Variants in ENAH observed in about 807,000 individuals in gnomAD.
ENAH encodes the protein ENAH actin regulator, also known as protein enabled homolog.
In ENAH, 23 loss-of-function variants were observed where a neutral mutation model predicts 78.7. The observed-to-expected ratio is 0.29, with a 90% confidence interval of 0.21 to 0.41. ENAH has a LOEUF of 0.41. Ranked by LOEUF, ENAH falls within the 10% of genes least tolerant of loss-of-function variation. The pLI is 1.00. For missense variants in ENAH, 544 were observed against 691.0 expected, an observed-to-expected ratio of 0.79 and a Z score of 2.39; for synonymous variants, 226 against 241.0, an observed-to-expected ratio of 0.94 and a Z score of 0.58.
rs888939064 is a variant in ENAH at position 225,487,819 on chromosome 1, A to C, written c.*9956T>G. 3 of 152,218 alleles carry C rather than the reference A, an allele frequency of 2.0e-5. No homozygotes were observed. The highest frequency in any genetic ancestry group is 4.8e-5 in the African/African-American group (2 of 41,444). The allele number at this position is 152,218 out of a possible 1,614,324, so 9.4% of individuals were successfully genotyped here. ...GATGACAAGAGATTCCAATTCCAGCATATATTATGAAAGGTTATGGACTGT... is the reference window on the plus strand; with the variant it reads ...GATGACAAGAGATTCCAATTCCAGCCTATATTATGAAAGGTTATGGACTGT... On this transcript the variant is annotated 3_prime_UTR_variant, in exon 14 of 14. Transcript: ENST00000366843.
intron 1 of ENAH, among the ~76,000 whole-genome samples, chr1:225,644,321 A>T (rs1482361743): frequency 1.3e-5 from 2 of 151,996 alleles, no homozygotes; most frequent in East Asian, 1.9e-4. Flanking sequence ...AAATAATTCT[A>T]AAAAAATTGT....
intron 4 of ENAH, among the ~76,000 whole-genome samples, chr1:225,527,418 T>A (rs1184446636): frequency 6.6e-6 from 1 of 152,244 alleles, no homozygotes; most frequent in Non-Finnish European, 1.5e-5. Context: ...TAGACTGTGC[T>A]ATACATCCTT....
intron 3 of ENAH, among the ~76,000 whole-genome samples, chr1:225,548,454 A>G (rs956607100): frequency 3.3e-5 from 5 of 152,178 alleles, no homozygotes; most frequent in Admixed American, 6.5e-5. Context: ...AAAACACAAA[A>G]CTAAAAGTAA....
chr1:225,619,071 TACACTGCATATAC>T, intron 1 of ENAH, among the ~76,000 whole-genome samples: 1 of 152,058 alleles, frequency 6.6e-6, no homozygotes, highest in South Asian at 2.1e-4. Context: ...GATAAATAAA[TACACTGCATATAC>T]AACCCAGTAC....
At chr1:225,639,130 G>A (rs1678996454) in intron 1 of ENAH, among the ~76,000 whole-genome samples, 1 of 152,086 alleles carries the variant, frequency 6.6e-6, no homozygotes. Flanking sequence ...CCTTTATGAA[G>A]TCACTGAAAA....
chr1:225,580,871 A>AG (rs1027346009), intron 1 of ENAH, among the ~76,000 whole-genome samples: 1 of 148,118 alleles, frequency 6.8e-6, no homozygotes, highest in Non-Finnish European at 1.5e-5. Context: ...ACTGTACTCC[A>AG]GCCTGGGCAA....
intron 1 of ENAH, among the ~76,000 whole-genome samples, chr1:225,603,506 T>C (rs955974930): frequency 2.0e-5 from 3 of 152,138 alleles, no homozygotes; most frequent in Non-Finnish European, 4.4e-5. Context: ...TAACCGTGCT[T>C]TTCTCTTTCT....
intron 1 of ENAH, among the ~76,000 whole-genome samples, chr1:225,570,752 G>A (rs1204973449): frequency 6.6e-6 from 1 of 150,710 alleles, no homozygotes; most frequent in East Asian, 2.0e-4. Flanking sequence ...AAGGTGAGGA[G>A]TTGGGAGACC....
chr1:225,583,717 A>T (rs537836576), intron 1 of ENAH, among the ~76,000 whole-genome samples: 37 of 151,232 alleles, frequency 2.4e-4, no homozygotes, highest in African/African-American at 8.7e-4. Context: ...CTAAGTCAGG[A>T]GAATCACTTG....
At chr1:225,518,210 C>T (rs1301164494) in intron 5 of ENAH, among the ~76,000 whole-genome samples, 1 of 152,088 alleles carries the variant, frequency 6.6e-6, no homozygotes, top group South Asian at 2.1e-4. Context: ...AAATAAGTTT[C>T]CTTTTATCTA....
intron 3 of ENAH, among the ~76,000 whole-genome samples, chr1:225,540,411 C>T (rs2096583549): frequency 6.6e-6 from 1 of 151,988 alleles, no homozygotes; most frequent in Admixed American, 6.6e-5. Flanking sequence ...CTTTCAAAGA[C>T]CATGTCTGTT....
At chr1:225,608,183 C>T (rs2096966349) in intron 1 of ENAH, among the ~76,000 whole-genome samples, 1 of 126,004 alleles carries the variant, frequency 7.9e-6, no homozygotes, top group African/African-American at 3.0e-5. Context: ...ACAGCAGAAA[C>T]TTTAAATCCA....
At chr1:225,543,986 G>A (rs1332315607) in intron 3 of ENAH, among the ~76,000 whole-genome samples, 1 of 152,258 alleles carries the variant, frequency 6.6e-6, no homozygotes, top group African/African-American at 2.4e-5. Context: ...GCACCATCAC[G>A]CTTCCAAATG....
chr1:225,586,079 G>A (rs532665770), intron 1 of ENAH, among the ~76,000 whole-genome samples: 2 of 152,010 alleles, frequency 1.3e-5, no homozygotes, highest in East Asian at 3.9e-4. Context: ...GGCCAGGCAT[G>A]GCTGCGTGCA....
At chr1:225,636,816 A>G (rs1462073717) in intron 1 of ENAH, among the ~76,000 whole-genome samples, 2 of 152,240 alleles carry the variant, frequency 1.3e-5, no homozygotes, top group Non-Finnish European at 2.9e-5. Context: ...GAAATGTGTC[A>G]TGAGTTTATA....
intron 3 of ENAH, among the ~76,000 whole-genome samples, chr1:225,552,134 CT>C (rs397983036): frequency 1.3e-4 from 15 of 115,946 alleles, no homozygotes; most frequent in East Asian, 2.5e-4. Context: ...ACTCCTGATT[CT>C]TTTTTTTTTT....
chr1:225,593,389 C>CTG (rs1222265738), intron 1 of ENAH, among the ~76,000 whole-genome samples: 713 of 19,974 alleles, frequency 0.036, 114 homozygotes, highest in East Asian at 0.059. Flanking sequence ...CAGCCTGCCC[C>CTG]TGTGTGTGTG....
chr1:225,621,297 T>TAAGATTA (rs1491166060), intron 1 of ENAH, among the ~76,000 whole-genome samples: 2 of 130,138 alleles, frequency 1.5e-5, no homozygotes, highest in African/African-American at 5.5e-5. Context: ...TCTATCTCTC[T>TAAGATTA]TTTTTTTTTT....
intron 1 of ENAH, among the ~76,000 whole-genome samples, chr1:225,647,097 G>A (rs1304873652): frequency 6.6e-6 from 1 of 152,038 alleles, no homozygotes; most frequent in African/African-American, 2.4e-5. Flanking sequence ...GTGGTGGCAC[G>A]CGCCTGTAGT....
Sources: allele counts gnomAD v4.1 joint callset (sites outside exome capture counted in the v4.1 genomes callset), GRCh38; gene constraint gnomAD v4.1.1; transcripts MANE v1.5; gene names NCBI Gene and HGNC (gene_info 2026-07-23, HGNC 2026-07-21).